Variants in NFIC observed in about 807,000 individuals in gnomAD.
The protein encoded by NFIC is nuclear factor 1 C-type.
Under a neutral mutation model 54.4 loss-of-function variants are expected in NFIC, and 12 were observed. The ratio of observed to expected loss-of-function variants is 0.22; its 90% CI spans 0.14 to 0.36. The LOEUF is 0.36. Ranked by LOEUF, NFIC falls within the 10% of genes least tolerant of loss-of-function variation. NFIC has a pLI of 1.00. For missense variants in NFIC, 575 were observed against 718.2 expected (o/e 0.80, Z 2.28); for synonymous variants, 322 against 319.2 (o/e 1.01, Z -0.09).
intron 2 of NFIC, among the ~76,000 whole-genome samples, chr19:3,387,271 G>C (rs1418896773): frequency 6.6e-6 from 1 of 152,230 alleles, no homozygotes; most frequent in Non-Finnish European, 1.5e-5. Context: ...GGAGGCCGAG[G>C]CAGGCGGATC....
upstream of NFIC, among the ~76,000 whole-genome samples, chr19:3,363,257 ATATATATATATATT>A (rs1277697375): frequency 3.2e-4 from 5 of 15,590 alleles, no homozygotes; most frequent in South Asian, 2.6e-3. Flanking sequence ...ATATATATAT[ATATATATATATATT>A]TTTTTTTTTT....
chr19:3,382,194 G>A lies in NFIC; in HGVS notation c.513G>A (p.Val171=), dbSNP rs1409514472. The change falls in exon 2 of 11, where the codon GTG becomes GTA. Residue 171 remains valine (V), a synonymous_variant. Coordinates refer to ENST00000443272, the MANE Select transcript of NFIC (RefSeq NM_001245002.2). ...VLCVQPHHIG[V]AVKELDLYLA... ...GCGTGCAGCCGCACCACATTGGCGTGGCCGTCAAGGAGCTGGACCTCTACC... is the reference window on the plus strand; with the variant it reads ...GCGTGCAGCCGCACCACATTGGCGTAGCCGTCAAGGAGCTGGACCTCTACC... The A allele has an allele frequency of 1.9e-6, 3 of 1,609,828 alleles. No homozygotes were observed. In the Admixed American group the frequency reaches 5.0e-5, roughly 27 times the overall value.
intron 2 of NFIC, among the ~76,000 whole-genome samples, chr19:3,409,128 A>G (rs2081706652): frequency 1.3e-5 from 2 of 152,038 alleles, no homozygotes; most frequent in South Asian, 2.1e-4. Context: ...TGCAACACAC[A>G]AGGCCCCGAA....
rs1029051872 is a variant in NFIC, at chr19:3,442,139, C to T, written c.959-6875C>T. Among the ~76,000 whole-genome samples the T allele has an allele frequency of 3.9e-5, 6 of 152,332 alleles. No individual in the cohort carries two copies. In the South Asian group the frequency reaches 6.2e-4, roughly 16 times the overall value. On this transcript the variant is annotated intron_variant, in intron 6 of 10. Transcript: ENST00000443272. ...CACATTCCAGCCTCTAGGCTTTGCC[C>T]GCTTGGGGCCTGGGCCAGGCCCTTT...
upstream of NFIC, among the ~76,000 whole-genome samples, chr19:3,363,227 A>ATGTGTGTGTGTGTGTGTGTG (rs1236874934): frequency 2.2e-5 from 1 of 45,190 alleles, no homozygotes; most frequent in African/African-American, 9.4e-5. Context: ...ATGTATATGT[A>ATGTGTGTGTGTGTGTGTGTG]TGTGTATGTG....
intron 2 of NFIC, among the ~76,000 whole-genome samples, chr19:3,398,324 T>C (rs948968197): frequency 2.6e-5 from 4 of 152,122 alleles, no homozygotes; most frequent in Admixed American, 2.0e-4. Context: ...GGCGCACTTA[T>C]TGAGCGCCAG....
At position 3,459,597 on chromosome 19, in the gene NFIC, G is replaced by A. The variant is rs1235827575; in HGVS notation, c.1509+2962G>A. 6.6e-6 allele frequency among the ~76,000 whole-genome samples: 1 copy of A among 152,178 alleles called. No homozygotes were observed. The highest frequency in any genetic ancestry group is 2.4e-5 in the African/African-American group (1 of 41,446). On this transcript the variant is annotated intron_variant, in intron 10 of 10. Transcript: ENST00000443272. The surrounding 1 kb of genome is among the most constrained non-coding windows in gnomAD (Gnocchi z 4.2). ...TCCCCTCAGCTGAGTGGGAGGATGT[G>A]GAGTTGAGGGTGCCCCCACCCCACC...
chr19:3,462,255 G>A (rs1035621194), intron 10 of NFIC, among the ~76,000 whole-genome samples: 5 of 151,354 alleles, frequency 3.3e-5, no homozygotes, highest in African/African-American at 4.9e-5. Flanking sequence ...GGCGGTGGAC[G>A]CCTGTAATCC....
chr19:3,401,322 T>G (rs1368199841), intron 2 of NFIC, among the ~76,000 whole-genome samples: 1 of 151,664 alleles, frequency 6.6e-6, no homozygotes, highest in Non-Finnish European at 1.5e-5. Context: ...GAGGACAGAC[T>G]GTGGGGGGTG....
intron 3 of NFIC, among the ~76,000 whole-genome samples, chr19:3,431,139 C>T (rs1385787868): frequency 2.0e-5 from 3 of 151,442 alleles, no homozygotes; most frequent in African/African-American, 4.8e-5. Flanking sequence ...TGCAATGTCG[C>T]GATCTCGGCC....
At chr19:3,455,931 C>A (rs915561001) in intron 9 of NFIC, among the ~76,000 whole-genome samples, 3 of 152,202 alleles carry the variant, frequency 2.0e-5, no homozygotes, top group Middle Eastern at 3.2e-3. Context: ...CCAGCTCCCC[C>A]CAACCCCAGC....
intron 2 of NFIC, among the ~76,000 whole-genome samples, chr19:3,423,158 A>G (rs910714714): frequency 2.0e-5 from 3 of 152,172 alleles, no homozygotes; most frequent in African/African-American, 7.2e-5. Context: ...CGATCGCACC[A>G]CTGCATTCCA....
intron 2 of NFIC, among the ~76,000 whole-genome samples, chr19:3,421,069 AG>A (rs1367816119): frequency 2.0e-5 from 3 of 152,154 alleles, no homozygotes; most frequent in Non-Finnish European, 1.5e-5. Flanking sequence ...AGCTTCCAAG[AG>A]GGGGTGCTAT....
intron 2 of NFIC, 142 bp downstream of exon 2, chr19:3,382,385 G>A: frequency 1.7e-6 from 2 of 1,209,236 alleles, no homozygotes; most frequent in Non-Finnish European, 1.1e-6. Flanking sequence ...GCCTTGGAGA[G>A]TGCCCAATGG....
intron 2 of NFIC, among the ~76,000 whole-genome samples, chr19:3,421,102 G>A (rs1168460981): frequency 2.0e-5 from 3 of 152,248 alleles, no homozygotes; most frequent in Admixed American, 6.5e-5. Context: ...TTTCACAGAT[G>A]AGAAGAGTGA....
chr19:3,399,700 C>T (rs573825690), intron 2 of NFIC, among the ~76,000 whole-genome samples: 10 of 151,504 alleles, frequency 6.6e-5, no homozygotes, highest in South Asian at 6.3e-4. Flanking sequence ...GGGGAAACCC[C>T]GTCTCTACTA....
rs1397011175 is a variant in NFIC, at chr19:3,456,576, G to A, written c.1450G>A (p.Ala484Thr). 3.9e-6 allele frequency: 6 copies of A among 1,551,780 alleles called. No homozygotes were observed. The highest frequency in any genetic ancestry group is 5.2e-6 in the Non-Finnish European group (6 of 1,147,158). The change falls in exon 10 of 11, where the codon GCA becomes ACA. Residue 484 changes from alanine (A) to threonine (T), a missense_variant. Ala to Thr is a moderately conservative substitution (Grantham distance 58, BLOSUM62 0). Around this residue, in one of 3 missense-constraint regions of NFIC, gnomAD observed 447 missense variants for 526.9 expected, o/e 0.85. Transcript: ENST00000443272. ...CTACTCTCCGCCCGACACGTCCCCT[G>A]CAAACCGTTCCTTTGTGGGATTAGG... ...PSYSPPDTSP[A>T]NRSFVGLGPR...
chr19:3,365,432 G>A (rs1009224325), upstream of NFIC, among the ~76,000 whole-genome samples: 1 of 152,222 alleles, frequency 6.6e-6, no homozygotes, highest in African/African-American at 2.4e-5. Context: ...ATGGGAATGA[G>A]AGACACAGCA....
At chr19:3,380,117 C>T (rs1430701875) in intron 1 of NFIC, among the ~76,000 whole-genome samples, 1 of 151,868 alleles carries the variant, frequency 6.6e-6, no homozygotes, top group African/African-American at 2.4e-5. Context: ...TCTCCTGCCT[C>T]AGCCTCCTGA....
Sources: gnomAD v4.1 joint callset for allele counts (sites outside exome capture counted in the v4.1 genomes callset) on GRCh38, gnomAD v4.1.1 for gene constraint, gnomAD v4.1.1 regional missense constraint, Gnocchi (gnomAD v3.1) non-coding constraint, MANE v1.5 for transcripts, NCBI Gene and HGNC (gene_info 2026-07-23, HGNC 2026-07-21) for gene names.